CHRM3: variants seen among roughly 807,000 people sequenced by gnomAD.
The protein encoded by CHRM3 is muscarinic acetylcholine receptor M3.
Under a neutral mutation model 41.8 loss-of-function variants are expected in CHRM3, and 11 were observed. The observed-to-expected ratio is 0.26, with a 90% CI of 0.17 to 0.44. CHRM3 has a LOEUF of 0.44. Among genes scored for constraint, CHRM3 ranks in the 20% least tolerant of loss-of-function variants. The pLI, the probability that CHRM3 is intolerant of heterozygous loss-of-function variation, is 1.00. For missense variants in CHRM3, 571 were observed against 745.4 expected (o/e 0.77, Z 2.72); for synonymous variants, 297 against 301.4 (o/e 0.99, Z 0.15).
intron 5 of CHRM3, among the ~76,000 whole-genome samples, chr1:239,761,123 T>C (rs1666732617): frequency 6.6e-6 from 1 of 152,198 alleles, no homozygotes; most frequent in South Asian, 2.1e-4. Context: ...TTAATATCTC[T>C]ATATATCCCT....
chr1:239,693,092 A>G (rs1173007984), intron 5 of CHRM3, among the ~76,000 whole-genome samples: 1 of 152,120 alleles, frequency 6.6e-6, no homozygotes, highest in Non-Finnish European at 1.5e-5. Context: ...CTTCCTGCAT[A>G]TTTCCTTCAC....
Position 239,537,564 on chromosome 1 carries a change from AC to A in CHRM3, c.-421-8076del, listed in dbSNP as rs560386386. ...ACATGAGATTTGGAGGGACCTCCAAACTCTATATCAGTCCCTAATAAAGACC... is the reference window on the plus strand; with the variant it reads ...ACATGAGATTTGGAGGGACCTCCAAATCTATATCAGTCCCTAATAAAGACC... On this transcript the variant is annotated intron_variant, in intron 2 of 6. Transcript: ENST00000676153. Among the ~76,000 whole-genome samples, 143 of 151,864 alleles carry A rather than the reference AC, an allele frequency of 9.4e-4. 1 individual carries two copies. Among genetic ancestry groups the A allele is most frequent in the South Asian group, 3.8e-3 (18 of 4,788 alleles).
intron 1 of CHRM3, among the ~76,000 whole-genome samples, chr1:239,390,863 A>C (rs781183566): frequency 3.9e-4 from 60 of 152,240 alleles, no homozygotes; most frequent in Non-Finnish European, 6.8e-4. Context: ...TGGTCTGGGC[A>C]CAGTGGCTCA....
chr1:239,647,929 C>T (rs1006068335), intron 4 of CHRM3, among the ~76,000 whole-genome samples: 1 of 152,138 alleles, frequency 6.6e-6, no homozygotes, highest in Non-Finnish European at 1.5e-5. Context: ...ATAATAGCAC[C>T]TACCTCACAG....
At chr1:239,779,734 CA>C (rs1558115629) in intron 5 of CHRM3, among the ~76,000 whole-genome samples, 1 of 151,668 alleles carries the variant, frequency 6.6e-6, no homozygotes, top group Non-Finnish European at 1.5e-5. Context: ...GACACTGTCT[CA>C]AAAAAAGAAA....
At chr1:239,662,105 A>ATGTGTGTGTGTGTGTGTGTGTGTGTGTG in intron 4 of CHRM3, among the ~76,000 whole-genome samples, 1 of 144,832 alleles carries the variant, frequency 6.9e-6, no homozygotes, top group African/African-American at 2.5e-5. Flanking sequence ...TCAGTTTTAG[A>ATGTGTGTGTGTGTGTGTGTGTGTGTGTG]TGTGTGTGTG....
At chr1:239,503,693 G>C (rs898465850) in intron 2 of CHRM3, among the ~76,000 whole-genome samples, 1 of 152,136 alleles carries the variant, frequency 6.6e-6, no homozygotes, top group Non-Finnish European at 1.5e-5. Context: ...CAACAAAACA[G>C]CATCGTACTG....
intron 3 of CHRM3, among the ~76,000 whole-genome samples, chr1:239,551,744 G>T (rs2148444476): frequency 6.6e-6 from 1 of 152,276 alleles, no homozygotes; most frequent in African/African-American, 2.4e-5. Flanking sequence ...TGTATACAGT[G>T]AAGTCAAACA....
intron 5 of CHRM3, among the ~76,000 whole-genome samples, chr1:239,700,653 T>A (rs1660598657): frequency 6.6e-6 from 1 of 152,140 alleles, no homozygotes; most frequent in Non-Finnish European, 1.5e-5. Flanking sequence ...CATATTCCTA[T>A]TAGAGACAGT....
intron 3 of CHRM3, among the ~76,000 whole-genome samples, chr1:239,599,272 T>C (rs1350588563): frequency 1.3e-5 from 2 of 152,144 alleles, no homozygotes; most frequent in African/African-American, 4.8e-5. Context: ...TCTTCCACAG[T>C]GACACTCTTC....
Position 239,909,258 on chromosome 1 carries a change from A to G in CHRM3, c.*34A>G. 1.3e-6 allele frequency: 2 copies of G among 1,565,800 alleles called. No homozygotes were observed. The highest frequency in any genetic ancestry group is 1.7e-6 in the Non-Finnish European group (2 of 1,156,288). ...TGTATCAATAGCAGTGACAAAACGC[A>G]CACATCAACCCACAGACCTTAGGAG... is the stretch of plus-strand genomic sequence containing the variant. On this transcript the variant is annotated 3_prime_UTR_variant, in exon 7 of 7. Coordinates refer to ENST00000676153, the MANE Select transcript of CHRM3 (RefSeq NM_001375978.1).
intron 6 of CHRM3, among the ~76,000 whole-genome samples, chr1:239,834,551 G>C (rs1386874872): frequency 6.6e-6 from 1 of 152,050 alleles, no homozygotes; most frequent in African/African-American, 2.4e-5. Flanking sequence ...ACCTGCTCCT[G>C]ACAGCCAAGT....
intron 5 of CHRM3, among the ~76,000 whole-genome samples, chr1:239,790,498 T>C (rs576766084): frequency 3.9e-4 from 60 of 152,296 alleles, no homozygotes; most frequent in Admixed American, 1.9e-3. Context: ...CCTGCCACCA[T>C]GTAAGACATG....
At position 239,908,924 on chromosome 1, in the gene CHRM3, G is replaced by C; in HGVS notation, c.1473G>C (p.Gln491His). ...TGGTCAAGGAGAAGAAAGCGGCCCA[G>C]ACCCTCAGTGCGATCTTGCTTGCCT... ...MSLVKEKKAAQTLSAILLAFI... is the reference protein window; with the variant it reads ...MSLVKEKKAAHTLSAILLAFI... The change falls in exon 7 of 7, where the codon CAG (glutamine) becomes CAC (histidine). Residue 491 changes from glutamine (Q) to histidine (H), a missense_variant. Physicochemically the swap from Gln to His is conservative, Grantham distance 24 (BLOSUM62 0). This residue lies in a region of CHRM3 where 43 missense variants were observed against 93.7 expected (regional missense o/e 0.46). Transcript: ENST00000676153. This position sits in a 1 kb window ranked among gnomAD's most constrained non-coding sequence, Gnocchi z 7.2. 5.6e-6 allele frequency: 9 copies of C among 1,614,120 alleles called. No individual in the cohort carries two copies. The highest frequency in any genetic ancestry group is 7.6e-6 in the Non-Finnish European group (9 of 1,180,048).
At chr1:239,774,093 G>A (rs1319525837) in intron 5 of CHRM3, among the ~76,000 whole-genome samples, 1 of 152,126 alleles carries the variant, frequency 6.6e-6, no homozygotes, top group Non-Finnish European at 1.5e-5. Context: ...TTTATTGGGA[G>A]GACTAAACCA....
At chr1:239,469,789 T>C (rs1665989848) in intron 1 of CHRM3, among the ~76,000 whole-genome samples, 1 of 152,126 alleles carries the variant, frequency 6.6e-6, no homozygotes, top group Admixed American at 6.5e-5. Context: ...GTTCCTGACC[T>C]CAGGTGATTC....
intron 5 of CHRM3, among the ~76,000 whole-genome samples, chr1:239,763,237 G>T (rs2148668023): frequency 6.6e-6 from 1 of 152,254 alleles, no homozygotes; most frequent in Admixed American, 6.5e-5. Flanking sequence ...TTGGTATTGG[G>T]AGTTCATAAA....
At chr1:239,575,647 G>T (rs549953607) in intron 3 of CHRM3, among the ~76,000 whole-genome samples, 3 of 152,108 alleles carry the variant, frequency 2.0e-5, no homozygotes, top group Admixed American at 2.0e-4. Flanking sequence ...GGCCCAGGAA[G>T]GTGTCCAGGG....
At chr1:239,756,563 A>G (rs1036449287) in intron 5 of CHRM3, among the ~76,000 whole-genome samples, 1 of 152,200 alleles carries the variant, frequency 6.6e-6, no homozygotes, top group African/African-American at 2.4e-5. Context: ...TAATTCTAAT[A>G]CCCAATGTCT....
Sources: allele counts gnomAD v4.1 joint callset (sites outside exome capture counted in the v4.1 genomes callset), GRCh38; gene constraint gnomAD v4.1.1; regional missense constraint gnomAD v4.1.1; non-coding constraint Gnocchi (gnomAD v3.1); transcripts MANE v1.5; gene names NCBI Gene and HGNC (gene_info 2026-07-23, HGNC 2026-07-21).